PALS2: variants seen among roughly 807,000 people sequenced by gnomAD.
PALS2 encodes protein associated with LIN7 2, MAGUK p55 family member.
In PALS2, 27 loss-of-function variants were observed where a neutral mutation model predicts 61.6. The ratio of observed to expected loss-of-function variants is 0.44; its 90% CI spans 0.32 to 0.60. The LOEUF is 0.60. Among genes scored for constraint, PALS2 ranks in the 20% least tolerant of loss-of-function variants. The pLI is 0.05. For synonymous variants in PALS2, 236 were observed against 218.6 expected (o/e 1.08, Z -0.70); for missense variants, 554 against 639.4 (o/e 0.87, Z 1.44).
At chr7:24,592,608 C>T (rs1783332638) in intron 1 of PALS2, among the ~76,000 whole-genome samples, 1 of 152,032 alleles carries the variant, frequency 6.6e-6, no homozygotes, top group African/African-American at 2.4e-5. Flanking sequence ...AGGCATACCT[C>T]AGAGATATCA....
At chr7:24,581,981 G>A (rs146266483) in intron 1 of PALS2, among the ~76,000 whole-genome samples, 1 of 152,180 alleles carries the variant, frequency 6.6e-6, no homozygotes, top group Non-Finnish European at 1.5e-5. Flanking sequence ...TGTGTCTTTT[G>A]CCAGGAACTC....
At chr7:24,615,679 GA>G (rs907350481) in intron 1 of PALS2, among the ~76,000 whole-genome samples, 1 of 151,792 alleles carries the variant, frequency 6.6e-6, no homozygotes, top group African/African-American at 2.4e-5. Context: ...CCAAAAATTG[GA>G]GGGGAGGGAA....
At chr7:24,602,112 C>T in intron 1 of PALS2, among the ~76,000 whole-genome samples, 1 of 151,942 alleles carries the variant, frequency 6.6e-6, no homozygotes, top group South Asian at 2.1e-4. Flanking sequence ...TGCTTTTCTA[C>T]TTTTTGTGGT....
chr7:24,675,507 C>A (rs1787523041), intron 9 of PALS2, among the ~76,000 whole-genome samples: 1 of 149,674 alleles, frequency 6.7e-6, no homozygotes, highest in South Asian at 2.1e-4. Context: ...CGTCATCTAG[C>A]ATTAGGTATA....
At chr7:24,633,220 A>T (rs1785079728) in intron 2 of PALS2, among the ~76,000 whole-genome samples, 1 of 151,948 alleles carries the variant, frequency 6.6e-6, no homozygotes, top group Non-Finnish European at 1.5e-5. Flanking sequence ...TTTCTGATGA[A>T]TGTCTTTTAA....
intron 5 of PALS2, among the ~76,000 whole-genome samples, chr7:24,651,770 CA>C (rs1786164126): frequency 6.6e-6 from 1 of 152,162 alleles, no homozygotes; most frequent in Non-Finnish European, 1.5e-5. Flanking sequence ...AGTTTTCTTA[CA>C]TAAGATACTG....
rs1490797044 is a variant in PALS2, at chr7:24,687,345, T to C, written c.1447-93T>C. The C allele has an allele frequency of 2.1e-6, 2 of 949,778 alleles. No homozygotes were observed. Among genetic ancestry groups the C allele is most frequent in the South Asian group, 1.5e-5 (1 of 66,168 alleles). 58.8% of individuals were successfully genotyped at this position (949,778 alleles called of 1,614,324 possible). A position where few individuals can be genotyped will look rare whatever the true frequency, so the allele number is the denominator to read the frequency against. ...TAATACCAGAATTACCAGAAATATA[T>C]CTAACCTATTTATTATATTCACTTC... On this transcript the variant is annotated intron_variant, in intron 11 of 11. Coordinates refer to ENST00000222644, the MANE Select transcript of PALS2 (RefSeq NM_001303037.2). This position sits in a 1 kb window ranked among gnomAD's most constrained non-coding sequence, Gnocchi z 4.5.
intron 2 of PALS2, among the ~76,000 whole-genome samples, chr7:24,630,298 G>A (rs1460024092): frequency 6.6e-6 from 1 of 152,240 alleles, no homozygotes. Context: ...TATGGACACA[G>A]GGAGGGGAAC....
chr7:24,641,007 CAA>C lies in PALS2; in HGVS notation c.118-687_118-686del, dbSNP rs35912373. On this transcript the variant is annotated intron_variant, in intron 2 of 11. Transcript: ENST00000222644. Reference sequence around the variant, plus strand: ...TGGGCAACAGTGCGAGACTCCATCTCAAAAAAAAAAAAAAAAAAAAAAAGAAT... The same window carrying C: ...TGGGCAACAGTGCGAGACTCCATCTCAAAAAAAAAAAAAAAAAAAAAGAAT... Among the ~76,000 whole-genome samples, 404 of 67,042 alleles carry C rather than the reference CAA, an allele frequency of 6.0e-3. 2 individuals are homozygous for C. Among genetic ancestry groups the C allele is most frequent in the African/African-American group, 0.021 (366 of 17,614 alleles). The allele number at this position is 67,042 out of a possible 152,430, so 44.0% of individuals were successfully genotyped here.
rs1341475063 is a variant in PALS2 at position 24,668,728 on chromosome 7, G to C, written c.1114+68G>C. The C allele has an allele frequency of 3.9e-6, 6 of 1,528,448 alleles. No individual in the cohort carries two copies. In the African/African-American group the frequency reaches 7.0e-5, roughly 18 times the overall value. 94.7% of individuals were successfully genotyped at this position (1,528,448 alleles called of 1,614,324 possible). A position where few individuals can be genotyped will look rare whatever the true frequency, so the allele number is the denominator to read the frequency against. ...GAGTATGGGCATATGGAGGAAAGGG[G>C]GATTATTATCATTAGTTATTGTTAT... is the stretch of plus-strand genomic sequence containing the variant. On this transcript the variant is annotated intron_variant, in intron 9 of 11. Coordinates refer to ENST00000222644, the MANE Select transcript of PALS2 (RefSeq NM_001303037.2).
chr7:24,590,104 A>G (rs1783226664), intron 1 of PALS2, among the ~76,000 whole-genome samples: 1 of 152,168 alleles, frequency 6.6e-6, no homozygotes, highest in South Asian at 2.1e-4. Flanking sequence ...TTCACACAGT[A>G]AGTATTGACT....
intron 1 of PALS2, among the ~76,000 whole-genome samples, chr7:24,593,309 C>A (rs532776126): frequency 2.0e-5 from 3 of 152,238 alleles, no homozygotes; most frequent in East Asian, 3.9e-4. Flanking sequence ...CAGTGACTTA[C>A]CCACTGAAGT....
intron 9 of PALS2, among the ~76,000 whole-genome samples, chr7:24,672,113 GC>G (rs1366516231): frequency 1.3e-5 from 2 of 149,758 alleles, no homozygotes; most frequent in African/African-American, 2.4e-5. Flanking sequence ...TTGAATTCTA[GC>G]TACCTTTTCT....
chr7:24,626,525 A>C (rs575467593), intron 2 of PALS2, among the ~76,000 whole-genome samples: 1 of 152,294 alleles, frequency 6.6e-6, no homozygotes, highest in Non-Finnish European at 1.5e-5. Flanking sequence ...AGATTCACAC[A>C]TAATATTAAC....
At chr7:24,658,360 TTACTG>T (rs1786533409) in intron 5 of PALS2, among the ~76,000 whole-genome samples, 2 of 152,278 alleles carry the variant, frequency 1.3e-5, no homozygotes, top group South Asian at 4.1e-4. Context: ...GTTGAAACAA[TTACTG>T]TAATGTCCTT....
chr7:24,687,600 A>T lies in PALS2; in HGVS notation c.1609A>T (p.Ser537Cys). 6.2e-7 allele frequency: 1 copy of T among 1,606,752 alleles called. No homozygotes were observed. The highest frequency in any genetic ancestry group is 1.1e-5 in the South Asian group (1 of 88,906). ...AATGGAACCACAGTGGGTCCCAATC[A>T]GCTGGGTTTACTGATGATTCAGTAA... The part of the protein sequence containing the change: ...LRMEPQWVPI[S>C]WVY The change falls in exon 12 of 12, where the codon AGC (serine) becomes TGC (cysteine). Residue 537 changes from serine to cysteine, a missense_variant. Physicochemically the swap from Ser to Cys is moderately radical, Grantham distance 112 (BLOSUM62 -1). Transcript: ENST00000222644. The surrounding 1 kb of genome is among the most constrained non-coding windows in gnomAD (Gnocchi z 4.5).
chr7:24,665,477 G>T (rs1786966078), intron 6 of PALS2, 111 bp from the exon 7 acceptor site: 3 of 861,258 alleles, frequency 3.5e-6, no homozygotes, highest in Non-Finnish European at 5.6e-6. Flanking sequence ...TCTCAAGGTT[G>T]TTTTTAAGAG....
chr7:24,665,536 A>T, intron 6 of PALS2, 52 bp from the exon 7 acceptor site: 2 of 1,516,570 alleles, frequency 1.3e-6, no homozygotes, highest in Non-Finnish European at 1.8e-6. Flanking sequence ...TTAATAGAAT[A>T]TGGTCTCAAA....
At chr7:24,591,892 C>A (rs1192239284) in intron 1 of PALS2, among the ~76,000 whole-genome samples, 2 of 151,782 alleles carry the variant, frequency 1.3e-5, no homozygotes, top group African/African-American at 4.8e-5. Flanking sequence ...TAAAGCACAC[C>A]AGAGCCTTTT....
Sources: allele counts gnomAD v4.1 joint callset (sites outside exome capture counted in the v4.1 genomes callset), GRCh38; gene constraint gnomAD v4.1.1; non-coding constraint Gnocchi (gnomAD v3.1); transcripts MANE v1.5; gene names NCBI Gene and HGNC (gene_info 2026-07-23, HGNC 2026-07-21).